The following PIH1D1 variants were observed in gnomAD, a reference collection of about 807,000 sequenced individuals.
PIH1D1 encodes PIH1 domain containing 1.
PIH1D1 carries 28 observed loss-of-function variants against 38.5 expected under a neutral mutation model. The ratio of observed to expected loss-of-function variants is 0.73; its 90% confidence interval spans 0.54 to 1.00. The LOEUF (loss-of-function observed/expected upper bound fraction) is 1.00, where lower values mean the gene tolerates loss of function less well. PIH1D1 is among the 50% of genes least tolerant of loss of function. PIH1D1 has a pLI of 0.00. For synonymous variants in PIH1D1, 155 were observed against 153.5 expected, an observed-to-expected ratio of 1.01 and a Z score of -0.07; for missense variants, 343 against 369.9, an observed-to-expected ratio of 0.93 and a Z score of 0.60.
chr19:49,450,726 T>C (rs1471996882), intron 2 of PIH1D1, 56 bp downstream of exon 2: 2 of 700,466 alleles, frequency 2.9e-6, no homozygotes, highest in Non-Finnish European at 4.1e-6. Context: ...TCCTTCCTCC[T>C]CTCTCTGTCC....
intron 5 of PIH1D1, 34 bp downstream of exon 5, chr19:49,447,793 A>G: frequency 6.2e-7 from 1 of 1,603,218 alleles, no homozygotes; most frequent in Non-Finnish European, 8.5e-7. Context: ...TCCTGGCTCC[A>G]CTCTTTCCCG....
chr19:49,450,691 C>CCCCCCCG, intron 2 of PIH1D1, 91 bp downstream of exon 2: 1 of 718,202 alleles, frequency 1.4e-6, no homozygotes, highest in Non-Finnish European at 2.2e-6. Flanking sequence ...CACCCCCACC[C>CCCCCCCG]TAGGCCTTTA....
At chr19:49,448,089 C>T (rs1369382654) in intron 3 of PIH1D1, 27 bp from the exon 4 acceptor site, 4 of 1,609,352 alleles carry the variant, frequency 2.5e-6, no homozygotes, top group Non-Finnish European at 3.4e-6. Flanking sequence ...GGGGTGAGGA[C>T]CCCCCAGCCC....
At chr19:49,448,808 A>G (rs971204660) in intron 3 of PIH1D1, among the ~76,000 whole-genome samples, 1 of 152,220 alleles carries the variant, frequency 6.6e-6, no homozygotes, top group Non-Finnish European at 1.5e-5. Context: ...AGACATATTG[A>G]AAAAAGGATA....
chr19:49,451,341 T>G (rs1035887989), intron 1 of PIH1D1, 144 bp downstream of exon 1: 1 of 1,231,974 alleles, frequency 8.1e-7, no homozygotes, highest in Non-Finnish European at 1.1e-6. Flanking sequence ...CCACTCCCAT[T>G]TCTTAGCAAA....
intron 3 of PIH1D1, chr19:49,448,908 G>A (rs867481858): frequency 4.1e-5 from 9 of 216,958 alleles, no homozygotes; most frequent in Middle Eastern, 2.1e-3. Context: ...AGAGAGAGCC[G>A]CAGGCTGGGT....
Position 49,449,105 on chromosome 19 carries a change from T to C in PIH1D1, c.337+370A>G, listed in dbSNP as rs115735695. ...TGCTTGGGAGCCTGAGACAGGAGAA[T>C]CGTCTGAACCTGGGCAACAAGAGCG... On this transcript the variant is annotated intron_variant, in intron 3 of 8. Transcript: ENST00000262265. 886 of 356,556 alleles carry C rather than the reference T, an allele frequency of 2.5e-3. 6 individuals carry two copies. The highest frequency in any genetic ancestry group is 0.018 in the African/African-American group (839 of 46,396). 22.1% of individuals were successfully genotyped at this position (356,556 alleles called of 1,614,324 possible). A position where few individuals can be genotyped will look rare whatever the true frequency, so the allele number is the denominator to read the frequency against.
At chr19:49,448,217 A>C (rs549378868) in intron 3 of PIH1D1, 155 bp from the exon 4 acceptor site, 348 of 701,036 alleles carry the variant, frequency 5.0e-4, no homozygotes, top group Middle Eastern at 3.2e-3. Flanking sequence ...TCCGCTCTGG[A>C]CTCTCCGCCC....
intron 1 of PIH1D1, 42 bp downstream of exon 1, chr19:49,451,443 A>C: frequency 6.2e-7 from 1 of 1,612,400 alleles, no homozygotes; most frequent in Non-Finnish European, 8.5e-7. Flanking sequence ...ACCCCGCCAA[A>C]ATCCCCGAAT....
intron 8 of PIH1D1, 28 bp from the exon 9 acceptor site, chr19:49,446,451 G>T (rs200209987): frequency 2.4e-6 from 3 of 1,236,724 alleles, no homozygotes; most frequent in East Asian, 2.3e-5. Context: ...AGAGAATGAG[G>T]ATCCAGGACC....
chr19:49,447,944 G>A (rs1056104637), intron 4 of PIH1D1, 36 bp from the exon 5 acceptor site: 2 of 1,613,384 alleles, frequency 1.2e-6, no homozygotes, highest in Non-Finnish European at 1.7e-6. Flanking sequence ...AGGCGGTGGC[G>A]GGGAGGGTAG....
At chr19:49,447,190 C>A in intron 6 of PIH1D1, 91 bp from the exon 7 acceptor site, 2 of 1,463,258 alleles carry the variant, frequency 1.4e-6, no homozygotes, top group South Asian at 1.2e-5. Flanking sequence ...GCCCTATTGG[C>A]CTCAGGACGC....
At chr19:49,450,403 T>A (rs1008129371) in intron 2 of PIH1D1, among the ~76,000 whole-genome samples, 2 of 136,814 alleles carry the variant, frequency 1.5e-5, no homozygotes, top group Non-Finnish European at 3.4e-5. Flanking sequence ...TCTCTTCCTA[T>A]CTTTGTTGTT....
Position 49,446,399 on chromosome 19 carries a change from G to A in PIH1D1, c.856C>T (p.Leu286=), listed in dbSNP as rs1261813456. ...RKQLMVAMPL[L]PVPS is the part of the protein sequence containing the mutation. ...CACCCTGATCAAGAAGGCACCGGCAGAAGCGGCATGGCCACCATTAATTGC... is the reference window on the plus strand; with the variant it reads ...CACCCTGATCAAGAAGGCACCGGCAAAAGCGGCATGGCCACCATTAATTGC... Residue 286 remains leucine (L), a synonymous_variant, in exon 9 of 9, where the codon CTG becomes TTG. Transcript: ENST00000262265. The A allele has an allele frequency of 1.1e-6, 1 of 871,776 alleles. No individual in the cohort carries two copies. The highest frequency in any genetic ancestry group is 2.4e-5 in the East Asian group (1 of 41,580). The allele number at this position is 871,776 out of a possible 1,614,324, so 54.0% of individuals were successfully genotyped here. A position where few individuals can be genotyped will look rare whatever the true frequency, so the allele number is the denominator to read the frequency against.
chr19:49,451,001 AC>A, intron 1 of PIH1D1, 153 bp from the exon 2 acceptor site: 1 of 1,392,666 alleles, frequency 7.2e-7, no homozygotes, highest in African/African-American at 1.5e-5. Context: ...AACTAGAAGA[AC>A]AACCCCAACC....
At chr19:49,448,190 G>GTGCCC in intron 3 of PIH1D1, 128 bp from the exon 4 acceptor site, 4 of 922,852 alleles carry the variant, frequency 4.3e-6, no homozygotes, top group Non-Finnish European at 6.8e-6. Flanking sequence ...AAGGAAGTGA[G>GTGCCC]AGCTGGGCAC....
At position 49,446,370 on chromosome 19, in the gene PIH1D1, G is replaced by T; in HGVS notation, c.*12C>A. On this transcript the variant is annotated 3_prime_UTR_variant, in exon 9 of 9. Transcript: ENST00000262265. The stretch of plus-strand genomic sequence containing the variant: ...CTTCTCCACATCTCAGAAGCACAAG[G>T]AGACACCCTGATCAAGAAGGCACCG... The T allele has an allele frequency of 1.3e-6, 1 of 798,952 alleles. No individual in the cohort carries two copies. The highest frequency in any genetic ancestry group is 2.3e-6 in the Non-Finnish European group (1 of 434,574). 49.5% of individuals were successfully genotyped at this position (798,952 alleles called of 1,614,324 possible).
intron 2 of PIH1D1, 25 bp downstream of exon 2, chr19:49,450,757 C>T: frequency 6.2e-7 from 1 of 1,604,534 alleles, no homozygotes; most frequent in Non-Finnish European, 8.5e-7. Context: ...TCTCCTGTCC[C>T]TCTCTCTCCG....
intron 6 of PIH1D1, 98 bp from the exon 7 acceptor site, chr19:49,447,197 A>G (rs1174624020): frequency 1.4e-6 from 2 of 1,473,644 alleles, no homozygotes; most frequent in African/African-American, 1.4e-5. Context: ...TGGCCTCAGG[A>G]CGCCTTCCCA....
Sources: gnomAD v4.1 joint callset for allele counts (sites outside exome capture counted in the v4.1 genomes callset) on GRCh38, gnomAD v4.1.1 for gene constraint, MANE v1.5 for transcripts, NCBI Gene and HGNC (gene_info 2026-07-23, HGNC 2026-07-21) for gene names.